Variants in DLG2 observed in about 807,000 individuals in gnomAD.
DLG2 encodes the protein discs large MAGUK scaffold protein 2.
DLG2 carries 45 observed loss-of-function variants against 132.5 expected under a neutral mutation model. That is an observed-to-expected ratio of 0.34 (90% CI 0.27 to 0.44). DLG2 has a LOEUF of 0.44. Ranked by LOEUF, DLG2 falls within the 20% of genes least tolerant of loss-of-function variation. DLG2 has a pLI of 1.00. For missense variants in DLG2, 1,045 were observed against 1,196.9 expected (o/e 0.87, Z 1.87); for synonymous variants, 424 against 419.6 (o/e 1.01, Z -0.13).
At chr11:83,719,245 C>G (rs1236999953) in intron 18 of DLG2, among the ~76,000 whole-genome samples, 1 of 152,174 alleles carries the variant, frequency 6.6e-6, no homozygotes, top group African/African-American at 2.4e-5. Context: ...GCCCATGAAG[C>G]AAGCTGCTTT....
At chr11:85,373,076 A>C (rs1001062176) in intron 3 of DLG2, among the ~76,000 whole-genome samples, 3 of 152,140 alleles carry the variant, frequency 2.0e-5, no homozygotes, top group African/African-American at 7.2e-5. Flanking sequence ...AACTGAAAAG[A>C]GTTAATTTCC....
At chr11:84,551,184 A>C (rs2099401087) in intron 6 of DLG2, among the ~76,000 whole-genome samples, 1 of 152,218 alleles carries the variant, frequency 6.6e-6, no homozygotes, top group Admixed American at 6.5e-5. Context: ...CACTTTAATA[A>C]AAATATTAAT....
chr11:84,508,542 A>G (rs954649500), intron 7 of DLG2, among the ~76,000 whole-genome samples: 3 of 151,730 alleles, frequency 2.0e-5, no homozygotes, highest in African/African-American at 7.3e-5. Flanking sequence ...AGCTGGGACT[A>G]CAGGTGCCCC....
Position 84,529,981 on chromosome 11 carries a change from T to A in DLG2, c.519+4589A>T, listed in dbSNP as rs73509141. Among the ~76,000 whole-genome samples, 252 of 152,134 alleles carry A rather than the reference T, an allele frequency of 1.7e-3. 1 individual carries two copies. Among genetic ancestry groups the A allele is most frequent in the African/African-American group, 5.9e-3 (243 of 41,470 alleles). On this transcript the variant is annotated intron_variant, in intron 7 of 27. Coordinates refer to ENST00000376104, the MANE Select transcript of DLG2 (RefSeq NM_001142699.3). ...GGGAACAGAACAGAGAGCCCAGCAA[T>A]AATGCTGCACACCGACGATTATCTG...
chr11:84,693,911 C>G (rs932897164), intron 6 of DLG2, among the ~76,000 whole-genome samples: 1 of 151,634 alleles, frequency 6.6e-6, no homozygotes. Context: ...CTAAGACATT[C>G]CCAAACTGGA....
At position 85,038,539 on chromosome 11, in the gene DLG2, A is replaced by G. The variant is rs1158036766; in HGVS notation, c.357+73122T>C. On this transcript the variant is annotated intron_variant, in intron 6 of 27. Transcript: ENST00000376104. The stretch of plus-strand genomic sequence containing the variant: ...AATTAGGATTCACATGTCTTTCTCC[A>G]TATCGTGCTTCCACTTATGGATCAT... 2.0e-5 allele frequency among the ~76,000 whole-genome samples: 3 copies of G among 152,160 alleles called. No homozygotes were observed. In the East Asian group the frequency reaches 5.8e-4, roughly 29 times the overall value.
chr11:84,779,576 T>C (rs2071338058), intron 6 of DLG2, among the ~76,000 whole-genome samples: 1 of 152,146 alleles, frequency 6.6e-6, no homozygotes, highest in South Asian at 2.1e-4. Context: ...CTGATCGTTC[T>C]GGCTAGGACT....
intron 6 of DLG2, among the ~76,000 whole-genome samples, chr11:84,966,623 AT>A (rs1174066513): frequency 6.6e-6 from 1 of 152,144 alleles, no homozygotes; most frequent in Admixed American, 6.6e-5. Flanking sequence ...ATTGAAAGAT[AT>A]TTTTAGAAAG....
chr11:83,560,893 G>A (rs1277279836), intron 19 of DLG2, among the ~76,000 whole-genome samples: 1 of 152,136 alleles, frequency 6.6e-6, no homozygotes, highest in African/African-American at 2.4e-5. Context: ...GGAAATATCT[G>A]AGACTGGGTA....
At chr11:83,673,821 G>A (rs1425358963) in intron 18 of DLG2, among the ~76,000 whole-genome samples, 1 of 152,208 alleles carries the variant, frequency 6.6e-6, no homozygotes, top group African/African-American at 2.4e-5. Context: ...GCACACAGCA[G>A]CAGTAAACAA....
Position 84,776,504 on chromosome 11 carries a change from A to G in DLG2, c.358-241773T>C, listed in dbSNP as rs555571335. ...ACTCATGTAATCACTGCTACAGGCA[A>G]TCGAGATAGAACATTTACCTCATCC... On this transcript the variant is annotated intron_variant, in intron 6 of 27. Transcript: ENST00000376104. 2.0e-4 allele frequency among the ~76,000 whole-genome samples: 31 copies of G among 152,252 alleles called. No individual in the cohort carries two copies. The South Asian group carries it at 6.0e-3, about 29-fold the overall frequency.
chr11:84,240,216 G>T (rs2097208929), intron 8 of DLG2, among the ~76,000 whole-genome samples: 1 of 152,196 alleles, frequency 6.6e-6, no homozygotes, highest in Non-Finnish European at 1.5e-5. Flanking sequence ...ACCCCCAAGG[G>T]TGGTAAAAAA....
intron 6 of DLG2, among the ~76,000 whole-genome samples, chr11:85,049,156 AAGTTCATAGACTTAGGGATTCAGG>A: frequency 6.6e-6 from 1 of 152,020 alleles, no homozygotes; most frequent in Admixed American, 6.6e-5. Context: ...ACGTATGTCA[AAGTTCATAGACTTAGGGATTCAGG>A]ACTTGCAAAA....
rs1452960432 is a variant in DLG2 at position 83,850,160 on chromosome 11, G to GTGTGTGTGTTTTTT, written c.1566-16391_1566-16390insAAAAAACACACACA. On this transcript the variant is annotated intron_variant, in intron 16 of 27. Coordinates refer to ENST00000376104, the MANE Select transcript of DLG2 (RefSeq NM_001142699.3). ...TGTGTGTGTGTGTGTGTGTGTGTGT[G>GTGTGTGTGTTTTTT]TTTTTTTACTTGAGACGGAGTCTCA... Among the ~76,000 whole-genome samples, 119 of 124,360 alleles carry GTGTGTGTGTTTTTT rather than the reference G, an allele frequency of 9.6e-4. 2 individuals are homozygous for GTGTGTGTGTTTTTT. The highest frequency in any genetic ancestry group is 4.1e-3 in the African/African-American group (113 of 27,706). 81.6% of individuals were successfully genotyped at this position (124,360 alleles called of 152,430 possible).
At chr11:85,271,802 A>G (rs2077550601) in intron 4 of DLG2, among the ~76,000 whole-genome samples, 1 of 151,982 alleles carries the variant, frequency 6.6e-6, no homozygotes, top group African/African-American at 2.4e-5. Flanking sequence ...CAATGCCTGT[A>G]CCCCTATTGT....
chr11:84,109,938 T>A (rs1291967421), intron 9 of DLG2, among the ~76,000 whole-genome samples: 2 of 152,222 alleles, frequency 1.3e-5, no homozygotes, highest in African/African-American at 4.8e-5. Flanking sequence ...TCAAATCTTG[T>A]TGATTCTACC....
intron 6 of DLG2, among the ~76,000 whole-genome samples, chr11:84,938,619 A>G (rs2049021817): frequency 6.6e-6 from 1 of 152,194 alleles, no homozygotes; most frequent in Non-Finnish European, 1.5e-5. Flanking sequence ...CAGAACCAGA[A>G]TGCAATTAGA....
chr11:85,370,131 C>T (rs550180701), intron 3 of DLG2, among the ~76,000 whole-genome samples: 9 of 152,256 alleles, frequency 5.9e-5, no homozygotes, highest in African/African-American at 2.2e-4. Context: ...ACGGAACTAA[C>T]CATGCCCTTA....
intron 7 of DLG2, among the ~76,000 whole-genome samples, chr11:84,370,335 A>G (rs142570088): frequency 0.012 from 1,771 of 152,290 alleles, 33 homozygotes; most frequent in African/African-American, 0.04. Flanking sequence ...AAAATAAACT[A>G]TGTAATTACA....
Sources: allele counts gnomAD v4.1 joint callset (sites outside exome capture counted in the v4.1 genomes callset), GRCh38; gene constraint gnomAD v4.1.1; transcripts MANE v1.5; gene names NCBI Gene and HGNC (gene_info 2026-07-23, HGNC 2026-07-21).